Variants in HTR7 observed in about 807,000 individuals in gnomAD.
HTR7 encodes 5-HT-7.
In HTR7, 16 loss-of-function variants were observed where a neutral mutation model predicts 34.0. The observed-to-expected ratio is 0.47, with a 90% CI of 0.32 to 0.71. The LOEUF is 0.71. HTR7 is among the 30% of genes least tolerant of loss of function. The pLI, the probability that HTR7 is intolerant of heterozygous loss-of-function variation, is 0.04. For missense variants in HTR7, 504 were observed against 625.5 expected (o/e 0.81, Z 2.07); for synonymous variants, 265 against 260.2 (o/e 1.02, Z -0.18).
chr10:90,806,986 T>C (rs1589458639), intron 1 of HTR7, among the ~76,000 whole-genome samples: 1 of 152,294 alleles, frequency 6.6e-6, no homozygotes, highest in Non-Finnish European at 1.5e-5. Context: ...ACCAATTAAC[T>C]ACTGAAACCA....
chr10:90,763,272 G>T (rs1260453887), intron 1 of HTR7, among the ~76,000 whole-genome samples: 1 of 152,078 alleles, frequency 6.6e-6, no homozygotes, highest in Non-Finnish European at 1.5e-5. Flanking sequence ...TGAACATGGG[G>T]TATCTAGACA....
At chr10:90,766,588 T>C (rs943254424) in intron 1 of HTR7, among the ~76,000 whole-genome samples, 1 of 152,224 alleles carries the variant, frequency 6.6e-6, no homozygotes, top group Non-Finnish European at 1.5e-5. Flanking sequence ...TTCTGCCTGT[T>C]TTGTAGTTCC....
chr10:90,854,169 C>T (rs746206731), intron 1 of HTR7, among the ~76,000 whole-genome samples: 1 of 152,234 alleles, frequency 6.6e-6, no homozygotes, highest in Non-Finnish European at 1.5e-5. Context: ...AGTTTGCCAA[C>T]ATGGCAAAAC....
chr10:90,748,705 T>C (rs1010641794), intron 2 of HTR7, 134 bp downstream of exon 2: 3 of 945,072 alleles, frequency 3.2e-6, no homozygotes, highest in African/African-American at 3.3e-5. Context: ...GTCTATACTG[T>C]TGTCAATTCA....
Position 90,742,537 on chromosome 10 carries a change from A to AG in HTR7, c.1394-10_1394-9insC. 1 of 1,562,822 alleles carries AG rather than the reference A, an allele frequency of 6.4e-7. No individual in the cohort carries two copies. Among genetic ancestry groups the AG allele is most frequent in the Non-Finnish European group, 8.7e-7 (1 of 1,144,374 alleles). The stretch of plus-strand genomic sequence containing the variant: ...AGTAGTCAGCATTTTGTCTAAAAAA[A>AG]AGAGAGAGAAAAATAGAAAATAATT... On this transcript the variant is annotated splice_polypyrimidine_tract_variant and intron_variant, in intron 3 of 3. Transcript: ENST00000336152.
intron 1 of HTR7, among the ~76,000 whole-genome samples, chr10:90,836,170 G>A (rs1846249522): frequency 6.6e-6 from 1 of 152,154 alleles, no homozygotes; most frequent in Admixed American, 6.5e-5. Context: ...GGCCCCCATT[G>A]CTGACATCAA....
chr10:90,819,287 T>C (rs1055991660), intron 1 of HTR7, among the ~76,000 whole-genome samples: 5 of 152,224 alleles, frequency 3.3e-5, no homozygotes, highest in African/African-American at 1.2e-4. Context: ...GGTAATTTTA[T>C]GATCTTGAAA....
At chr10:90,843,682 AGAAAAGAAAGGGGGAAAGAAGGAAAG>A (rs1564701125) in intron 1 of HTR7, among the ~76,000 whole-genome samples, 1 of 54,844 alleles carries the variant, frequency 1.8e-5, no homozygotes, top group Non-Finnish European at 3.3e-5. Context: ...GAAAGGTGGG[AGAAAAGAAAGGGGGAAAGAAGGAAAG>A]GTGGAAGAAA....
At chr10:90,813,268 T>C (rs992780985) in intron 1 of HTR7, among the ~76,000 whole-genome samples, 12 of 152,264 alleles carry the variant, frequency 7.9e-5, no homozygotes, top group African/African-American at 2.6e-4. Flanking sequence ...AAACCTATAA[T>C]ACCAGCACTT....
At chr10:90,831,216 C>A (rs1390033379) in intron 1 of HTR7, among the ~76,000 whole-genome samples, 1 of 152,196 alleles carries the variant, frequency 6.6e-6, no homozygotes, top group East Asian at 1.9e-4. Flanking sequence ...AAGAATGAAG[C>A]CGCAGACCCT....
At chr10:90,840,970 C>T (rs1459880762) in intron 1 of HTR7, among the ~76,000 whole-genome samples, 2 of 152,234 alleles carry the variant, frequency 1.3e-5, no homozygotes, top group Non-Finnish European at 2.9e-5. Flanking sequence ...GCATTAAGTA[C>T]AGTCCCTGAC....
chr10:90,758,220 C>T (rs1844867871), intron 1 of HTR7, among the ~76,000 whole-genome samples: 1 of 151,894 alleles, frequency 6.6e-6, no homozygotes. Flanking sequence ...TGGCGCTGGC[C>T]TGTAGTCCCA....
chr10:90,850,662 G>A (rs150887018), intron 1 of HTR7, among the ~76,000 whole-genome samples: 1 of 152,000 alleles, frequency 6.6e-6, no homozygotes, highest in African/African-American at 2.4e-5. Flanking sequence ...TGAAAAGGTA[G>A]AGAATTTCAC....
At chr10:90,829,619 G>A (rs752595012) in intron 1 of HTR7, among the ~76,000 whole-genome samples, 1 of 152,036 alleles carries the variant, frequency 6.6e-6, no homozygotes, top group Non-Finnish European at 1.5e-5. Context: ...GGAAGTCCTA[G>A]CTAGAGCAAT....
rs1049278503 is a variant in HTR7, at chr10:90,809,029, G to A, written c.539+48104C>T. Among the ~76,000 whole-genome samples, 8 of 151,806 alleles carry A rather than the reference G, an allele frequency of 5.3e-5. No individual in the cohort carries two copies. The South Asian group carries it at 1.0e-3, about 20-fold the overall frequency. The stretch of plus-strand genomic sequence containing the variant: ...CCCAAATCTTCCTTCTTTCCCTCCC[G>A]CCTGTCCCCTCAGTCCCAACCCCAA... On this transcript the variant is annotated intron_variant, in intron 1 of 3. Transcript: ENST00000336152.
At chr10:90,814,104 T>G (rs899576848) in intron 1 of HTR7, among the ~76,000 whole-genome samples, 1 of 152,204 alleles carries the variant, frequency 6.6e-6, no homozygotes, top group East Asian at 1.9e-4. Context: ...TTCCTTGGCA[T>G]GAGATGACAA....
At chr10:90,796,322 G>C (rs187011854) in intron 1 of HTR7, among the ~76,000 whole-genome samples, 1 of 152,308 alleles carries the variant, frequency 6.6e-6, no homozygotes, top group South Asian at 2.1e-4. Context: ...AAAACAATGA[G>C]GAATGTATCA....
chr10:90,748,705 T>G, intron 2 of HTR7, 134 bp downstream of exon 2: 150 of 945,138 alleles, frequency 1.6e-4, no homozygotes, highest in Non-Finnish European at 2.1e-4. Flanking sequence ...GTCTATACTG[T>G]TGTCAATTCA....
intron 1 of HTR7, among the ~76,000 whole-genome samples, chr10:90,853,284 T>C (rs1846527631): frequency 1.5e-5 from 2 of 134,794 alleles, no homozygotes; most frequent in South Asian, 4.7e-4. Flanking sequence ...TTCTTTTTTT[T>C]TTCTTTTTTT....
Sources: allele counts gnomAD v4.1 joint callset (sites outside exome capture counted in the v4.1 genomes callset), GRCh38; gene constraint gnomAD v4.1.1; transcripts MANE v1.5; gene names NCBI Gene and HGNC (gene_info 2026-07-23, HGNC 2026-07-21).